MCTP2: variants seen among roughly 807,000 people sequenced by gnomAD.
MCTP2 encodes multiple C2 and transmembrane domain-containing protein 2.
A neutral mutation model predicts 111.6 loss-of-function variants in MCTP2; 132 were observed. The ratio of observed to expected loss-of-function variants is 1.18; its 90% CI spans 1.03 to 1.37. The LOEUF is 1.37. Among genes scored for constraint, MCTP2 ranks in the 40% most tolerant of loss-of-function variants. MCTP2 has a pLI of 0.00. For missense variants in MCTP2, 1,183 were observed against 1,067.9 expected (o/e 1.11, Z -1.50); for synonymous variants, 395 against 387.7 (o/e 1.02, Z -0.22).
At chr15:94,294,872 A>G (rs1428368752) in intron 1 of MCTP2, among the ~76,000 whole-genome samples, 1 of 151,460 alleles carries the variant, frequency 6.6e-6, no homozygotes, top group Non-Finnish European at 1.5e-5. Flanking sequence ...GGTGGAGCCC[A>G]GGACTGTCTA....
intron 14 of MCTP2, among the ~76,000 whole-genome samples, chr15:94,394,049 CAAAAAAAA>C (rs767685107): frequency 3.2e-5 from 2 of 61,776 alleles, no homozygotes; most frequent in African/African-American, 1.2e-4. Flanking sequence ...AACTCCATCT[CAAAAAAAA>C]AAAAAAAAAA....
chr15:94,412,075 A>G (rs2082176647), intron 17 of MCTP2, among the ~76,000 whole-genome samples: 1 of 152,182 alleles, frequency 6.6e-6, no homozygotes, highest in Admixed American at 6.5e-5. Flanking sequence ...GAGCCACAGA[A>G]TGAGGTAGGA....
At chr15:94,328,347 CT>C (rs1158776450) in intron 4 of MCTP2, among the ~76,000 whole-genome samples, 4 of 152,088 alleles carry the variant, frequency 2.6e-5, no homozygotes, top group Admixed American at 6.6e-5. Context: ...CCAGGATGGT[CT>C]TGATCTCCTG....
chr15:94,320,059 C>G (rs555724430), intron 4 of MCTP2, among the ~76,000 whole-genome samples: 1 of 152,024 alleles, frequency 6.6e-6, no homozygotes, highest in African/African-American at 2.4e-5. Context: ...AAAACATATA[C>G]CTTTATCCTT....
chr15:94,333,539 G>A (rs1032499377), intron 4 of MCTP2, among the ~76,000 whole-genome samples: 2 of 152,014 alleles, frequency 1.3e-5, no homozygotes, highest in African/African-American at 4.8e-5. Flanking sequence ...TGTTCAATGT[G>A]ATATTGACTG....
chr15:94,349,767 C>A (rs2078198743), intron 8 of MCTP2, among the ~76,000 whole-genome samples: 1 of 149,182 alleles, frequency 6.7e-6, no homozygotes, highest in Non-Finnish European at 1.5e-5. Context: ...TTGCAGTGAG[C>A]CGAGATCGCA....
rs2074673574 is a variant in MCTP2 at position 94,480,501 on chromosome 15, A to C, written c.*1467A>C. 1 of 152,240 alleles carries C rather than the reference A, an allele frequency of 6.6e-6. No individual in the cohort carries two copies. The highest frequency in any genetic ancestry group is 2.4e-5 in the African/African-American group (1 of 41,466). 9.4% of individuals were successfully genotyped at this position (152,240 alleles called of 1,614,324 possible). On this transcript the variant is annotated 3_prime_UTR_variant, in exon 23 of 23. Coordinates refer to ENST00000357742, the MANE Select transcript of MCTP2 (RefSeq NM_001385001.1). ...GATTTGATTTACTTCAAGTTAATGA[A>C]GCTGGCTGGAAAAGAGCCTTGCAGA...
intron 12 of MCTP2, among the ~76,000 whole-genome samples, chr15:94,378,399 G>A (rs1219104797): frequency 6.6e-6 from 1 of 151,652 alleles, no homozygotes; most frequent in Non-Finnish European, 1.5e-5. Context: ...GCATGTCCTT[G>A]TAGTCCTAGC....
At chr15:94,245,966 G>T (rs2071968636) in intron 1 of MCTP2, among the ~76,000 whole-genome samples, 1 of 151,990 alleles carries the variant, frequency 6.6e-6, no homozygotes, top group Non-Finnish European at 1.5e-5. Flanking sequence ...ATTATTAGTG[G>T]TAACCTCTTC....
chr15:94,308,368 C>G (rs572933954), intron 2 of MCTP2, among the ~76,000 whole-genome samples: 78 of 152,220 alleles, frequency 5.1e-4, no homozygotes, highest in Non-Finnish European at 1.1e-3. Flanking sequence ...ATTCTCCTGG[C>G]GCAGGTGTGG....
chr15:94,377,902 C>T (rs1013421633), intron 12 of MCTP2, among the ~76,000 whole-genome samples: 11 of 151,994 alleles, frequency 7.2e-5, no homozygotes, highest in Non-Finnish European at 1.5e-4. Flanking sequence ...CAGCAATGTT[C>T]CAGGGCCCGC....
chr15:94,245,169 CAT>C (rs1313622505), intron 1 of MCTP2, among the ~76,000 whole-genome samples: 5 of 145,450 alleles, frequency 3.4e-5, no homozygotes, highest in Non-Finnish European at 6.0e-5. Context: ...TATTTATACA[CAT>C]GTATAGATTT....
intron 20 of MCTP2, among the ~76,000 whole-genome samples, chr15:94,468,956 G>A (rs1229493696): frequency 6.6e-6 from 1 of 152,138 alleles, no homozygotes; most frequent in Non-Finnish European, 1.5e-5. Flanking sequence ...TGAGATTACT[G>A]TAGTTCTCCT....
chr15:94,415,620 C>CTA (rs2082335078), intron 17 of MCTP2, among the ~76,000 whole-genome samples: 1 of 152,026 alleles, frequency 6.6e-6, no homozygotes, highest in African/African-American at 2.4e-5. Context: ...CTTTAGGATT[C>CTA]CCTCGGTGCG....
intron 1 of MCTP2, chr15:94,278,411 T>G (rs528916532): frequency 6.6e-6 from 1 of 152,204 alleles, no homozygotes; most frequent in East Asian, 1.9e-4. Context: ...AAAGGGTGCT[T>G]TACAATTAGA....
At chr15:94,265,733 C>G (rs1164041086) in intron 1 of MCTP2, among the ~76,000 whole-genome samples, 1 of 151,846 alleles carries the variant, frequency 6.6e-6, no homozygotes, top group Non-Finnish European at 1.5e-5. Context: ...CTTAATGAAG[C>G]CTTTTTAAAA....
In MCTP2 at chr15:94,356,584, CTA is replaced by C. The variant is rs539015412; in HGVS notation, c.1170+285_1170+286del. Among the ~76,000 whole-genome samples, 5 of 152,142 alleles carry C rather than the reference CTA, an allele frequency of 3.3e-5. No individual in the cohort carries two copies. The East Asian group carries it at 5.8e-4, about 18-fold the overall frequency. On this transcript the variant is annotated intron_variant, in intron 9 of 22. Coordinates refer to ENST00000357742, the MANE Select transcript of MCTP2 (RefSeq NM_001385001.1). ...TATTTTCAATTTGAAAATAAGCAAA[CTA>C]TGTTTCATAGAATGTGGGAAAAGGA...
chr15:94,449,876 T>C (rs1335253926), intron 19 of MCTP2, among the ~76,000 whole-genome samples: 1 of 152,210 alleles, frequency 6.6e-6, no homozygotes, highest in East Asian at 1.9e-4. Flanking sequence ...TAGTTACAGT[T>C]ATAGAAAACC....
At chr15:94,337,138 A>G (rs2077402000) in intron 4 of MCTP2, among the ~76,000 whole-genome samples, 1 of 152,160 alleles carries the variant, frequency 6.6e-6, no homozygotes, top group African/African-American at 2.4e-5. Context: ...CTCAGAGAGA[A>G]AATCACAATG....
Sources: gnomAD v4.1 joint callset for allele counts (sites outside exome capture counted in the v4.1 genomes callset) on GRCh38, gnomAD v4.1.1 for gene constraint, MANE v1.5 for transcripts, NCBI Gene and HGNC (gene_info 2026-07-23, HGNC 2026-07-21) for gene names.